Variants in GAS2 observed in about 807,000 individuals in gnomAD.
The protein encoded by GAS2 is growth arrest-specific protein 2.
In GAS2, 20 loss-of-function variants were observed where a neutral mutation model predicts 37.5. The ratio of observed to expected loss-of-function variants is 0.53; its 90% CI spans 0.37 to 0.77. GAS2 has a LOEUF of 0.77. GAS2 is among the 30% of genes least tolerant of loss of function. The pLI is 0.00. For missense variants in GAS2, 336 were observed against 373.4 expected, an observed-to-expected ratio of 0.90 and a Z score of 0.82; for synonymous variants, 144 against 132.2, an observed-to-expected ratio of 1.09 and a Z score of -0.61.
At chr11:22,707,903 T>A (rs1045539911) in intron 3 of GAS2, among the ~76,000 whole-genome samples, 3 of 152,132 alleles carry the variant, frequency 2.0e-5, no homozygotes, top group Non-Finnish European at 4.4e-5. Flanking sequence ...CTGAGGTTGA[T>A]GTGTATGCAT....
At chr11:22,751,898 A>G (rs1335243341) in intron 6 of GAS2, among the ~76,000 whole-genome samples, 1 of 152,150 alleles carries the variant, frequency 6.6e-6, no homozygotes, top group East Asian at 1.9e-4. Flanking sequence ...CCCTACTCCC[A>G]AATTGTATGC....
intron 2 of GAS2, among the ~76,000 whole-genome samples, chr11:22,676,549 T>C (rs1218774081): frequency 6.6e-6 from 1 of 152,142 alleles, no homozygotes; most frequent in African/African-American, 2.4e-5. Context: ...ATTTTCCTCA[T>C]CTGTACAGTG....
chr11:22,795,799 A>G (rs756082352), intron 7 of GAS2, among the ~76,000 whole-genome samples: 2 of 152,124 alleles, frequency 1.3e-5, no homozygotes, highest in African/African-American at 4.8e-5. Context: ...AGATCTCTCT[A>G]GTTGCTCCAT....
In GAS2 at chr11:22,703,465, C is replaced by T. The variant is rs141858036; in HGVS notation, c.267+17676C>T. Among the ~76,000 whole-genome samples, 124 of 152,136 alleles carry T rather than the reference C, an allele frequency of 8.2e-4. 1 individual carries two copies. The highest frequency in any genetic ancestry group is 2.4e-3 in the African/African-American group (100 of 41,504). On this transcript the variant is annotated intron_variant, in intron 3 of 7. Transcript: ENST00000454584. ...CTAAATGTGTTGGAGAAACTCAAGT[C>T]GTTGGAACAAATCAATAATGAATAT...
In GAS2 at chr11:22,666,888, C is replaced by T. The variant is rs370333911; in HGVS notation, c.-32C>T. ...TCTGAGAGCCGCCAGCAGCCCAGCT[C>T]GGGACGCGGGGGTGAGCACGACTGG... On this transcript the variant is annotated 5_prime_UTR_variant, in exon 1 of 8. Transcript: ENST00000454584. The T allele has an allele frequency of 6.6e-6, 1 of 152,484 alleles. No individual in the cohort carries two copies. Among genetic ancestry groups the T allele is most frequent in the Non-Finnish European group, 1.5e-5 (1 of 68,322 alleles). The allele number at this position is 152,484 out of a possible 1,614,324, so 9.4% of individuals were successfully genotyped here. A position where few individuals can be genotyped will look rare whatever the true frequency, so the allele number is the denominator to read the frequency against.
chr11:22,648,463 A>G (rs1409411415), intron 1 of GAS2, among the ~76,000 whole-genome samples: 3 of 152,194 alleles, frequency 2.0e-5, no homozygotes, highest in South Asian at 4.1e-4. Context: ...CTGTGAAGAA[A>G]GTCATTGGTA....
chr11:22,698,695 G>A (rs1032241395), intron 3 of GAS2, among the ~76,000 whole-genome samples: 2 of 151,774 alleles, frequency 1.3e-5, no homozygotes, highest in African/African-American at 4.8e-5. Context: ...TTCATCCCTG[G>A]GATGCAAGGC....
Position 22,806,966 on chromosome 11 carries a change from T to C in GAS2, c.724-4832T>C, listed in dbSNP as rs185443467. On this transcript the variant is annotated intron_variant, in intron 7 of 7. Coordinates refer to ENST00000454584, the MANE Select transcript of GAS2 (RefSeq NM_001143830.3). The stretch of plus-strand genomic sequence containing the variant: ...TTCTTTGAAGATGTAGAAAGTCCTT[T>C]CTGTTTTAAGTATTATGGGTAAGTA... Among the ~76,000 whole-genome samples the C allele has an allele frequency of 1.7e-3, 255 of 152,310 alleles. 3 individuals carry two copies. The Middle Eastern group carries it at 0.017, about 10-fold the overall frequency.
At chr11:22,679,496 A>G (rs1312208534) in intron 2 of GAS2, among the ~76,000 whole-genome samples, 2 of 152,098 alleles carry the variant, frequency 1.3e-5, no homozygotes, top group African/African-American at 4.8e-5. Flanking sequence ...ACAGTCCTGG[A>G]TTATGGCAGC....
At chr11:22,728,042 T>C (rs1373238616) in intron 4 of GAS2, among the ~76,000 whole-genome samples, 1 of 152,060 alleles carries the variant, frequency 6.6e-6, no homozygotes, top group African/African-American at 2.4e-5. Flanking sequence ...TGCCTCTGAA[T>C]TGCCAAAGAA....
intron 3 of GAS2, among the ~76,000 whole-genome samples, chr11:22,697,579 T>C (rs1850597078): frequency 6.6e-6 from 1 of 152,230 alleles, no homozygotes; most frequent in African/African-American, 2.4e-5. Context: ...CCCATGAGCA[T>C]GGAATGTTCT....
At chr11:22,719,053 A>G (rs180824253) in intron 3 of GAS2, among the ~76,000 whole-genome samples, 53 of 152,292 alleles carry the variant, frequency 3.5e-4, no homozygotes, top group African/African-American at 1.2e-3. Flanking sequence ...TATAATTAAC[A>G]TGTAACAAAA....
intron 7 of GAS2, among the ~76,000 whole-genome samples, chr11:22,773,996 A>G (rs972971627): frequency 6.6e-6 from 1 of 151,982 alleles, no homozygotes; most frequent in South Asian, 2.1e-4. Context: ...TTTATGTGCA[A>G]TTTTATTTTA....
Position 22,697,402 on chromosome 11 carries a change from G to C in GAS2, c.267+11613G>C, listed in dbSNP as rs1306209283. Among the ~76,000 whole-genome samples the C allele has an allele frequency of 2.0e-5, 3 of 152,092 alleles. No individual in the cohort carries two copies. The East Asian group carries it at 5.8e-4, about 29-fold the overall frequency. On this transcript the variant is annotated intron_variant, in intron 3 of 7. Coordinates refer to ENST00000454584, the MANE Select transcript of GAS2 (RefSeq NM_001143830.3). ...TGATTCCTCCAGCTTTGTTATTTTG[G>C]CTTAGGATTGACTTGGCGATGCGGG...
intron 2 of GAS2, among the ~76,000 whole-genome samples, chr11:22,685,179 C>T (rs544890287): frequency 6.6e-6 from 1 of 151,568 alleles, no homozygotes; most frequent in Non-Finnish European, 1.5e-5. Flanking sequence ...AGAGAGAGAG[C>T]GAGAGACCTA....
upstream of GAS2, chr11:22,666,586 G>T (rs1298645464): frequency 6.6e-6 from 1 of 152,176 alleles, no homozygotes; most frequent in African/African-American, 2.4e-5. Flanking sequence ...AGTGTCAACT[G>T]CATTTGCGTC....
chr11:22,705,347 C>T (rs1289778297), intron 3 of GAS2, among the ~76,000 whole-genome samples: 2 of 150,472 alleles, frequency 1.3e-5, no homozygotes, highest in African/African-American at 4.9e-5. Context: ...TTCTCACTCT[C>T]TTCATGTCCC....
intron 3 of GAS2, among the ~76,000 whole-genome samples, chr11:22,711,798 A>G (rs542065048): frequency 2.2e-4 from 33 of 152,144 alleles, no homozygotes; most frequent in African/African-American, 7.5e-4. Flanking sequence ...TGGGAACATA[A>G]CTTCATTGGC....
intron 3 of GAS2, among the ~76,000 whole-genome samples, chr11:22,695,928 A>T (rs757924029): frequency 2.6e-5 from 4 of 152,054 alleles, no homozygotes; most frequent in African/African-American, 4.8e-5. Context: ...ATATTTCTAA[A>T]ACGTTGTTTT....
Sources: allele counts gnomAD v4.1 joint callset (sites outside exome capture counted in the v4.1 genomes callset), GRCh38; gene constraint gnomAD v4.1.1; transcripts MANE v1.5; gene names NCBI Gene and HGNC (gene_info 2026-07-23, HGNC 2026-07-21).